The following PCCA variants were observed in gnomAD, a reference collection of about 807,000 sequenced individuals.
The protein encoded by PCCA is propionyl-CoA carboxylase alpha chain, mitochondrial.
A neutral mutation model predicts 101.3 loss-of-function variants in PCCA; 74 were observed. The ratio of observed to expected loss-of-function variants is 0.73; its 90% CI spans 0.61 to 0.89. The LOEUF (loss-of-function observed/expected upper bound fraction) is 0.89, where lower values mean the gene tolerates loss of function less well. PCCA is among the 40% of genes least tolerant of loss of function. The pLI is 0.00. For missense variants in PCCA, 891 were observed against 907.0 expected (o/e 0.98, Z 0.23); for synonymous variants, 294 against 313.6 (o/e 0.94, Z 0.66).
chr13:100,466,169 T>C (rs1013081662), intron 21 of PCCA: 7 of 152,256 alleles, frequency 4.6e-5, no homozygotes, highest in African/African-American at 1.7e-4. Flanking sequence ...CTTCATTTTG[T>C]CTTCAGTTTT....
intron 8 of PCCA, among the ~76,000 whole-genome samples, chr13:100,255,471 C>T (rs922055234): frequency 1.3e-5 from 2 of 152,140 alleles, no homozygotes; most frequent in Non-Finnish European, 2.9e-5. Context: ...ATTTCCTAAT[C>T]GTCAGAGGGA....
intron 9 of PCCA, among the ~76,000 whole-genome samples, chr13:100,258,366 G>A (rs897352872): frequency 6.6e-6 from 1 of 152,178 alleles, no homozygotes. Flanking sequence ...GGGAGATACT[G>A]TTGTGGCCAT....
chr13:100,382,860 A>G (rs74116620), intron 19 of PCCA, among the ~76,000 whole-genome samples: 4,987 of 152,238 alleles, frequency 0.033, 288 homozygotes, highest in African/African-American at 0.11. Context: ...AAAATAATGT[A>G]ATAAATGCAT....
intron 23 of PCCA, among the ~76,000 whole-genome samples, chr13:100,529,731 A>G (rs1031192922): frequency 6.6e-6 from 1 of 152,106 alleles, no homozygotes; most frequent in Non-Finnish European, 1.5e-5. Flanking sequence ...CAACCTCAAA[A>G]CCACAGAGAG....
At chr13:100,451,211 TTCGTCTCA>T (rs987346925) in intron 21 of PCCA, among the ~76,000 whole-genome samples, 16 of 151,536 alleles carry the variant, frequency 1.1e-4, no homozygotes, top group Non-Finnish European at 2.2e-4. Flanking sequence ...GATTTCAGTG[TTCGTCTCA>T]TCTAAAAATA....
intron 6 of PCCA, among the ~76,000 whole-genome samples, chr13:100,182,098 CT>C (rs558498604): frequency 0.19 from 19,481 of 105,096 alleles, 1,222 homozygotes; most frequent in African/African-American, 0.28. Flanking sequence ...TTTTCTTTTT[CT>C]TTTTTTTTTT....
intron 6 of PCCA, among the ~76,000 whole-genome samples, chr13:100,186,703 T>G (rs2057295850): frequency 6.9e-6 from 1 of 144,214 alleles, no homozygotes; most frequent in Non-Finnish European, 1.5e-5. Flanking sequence ...ATCGCATCAC[T>G]GCACTCCAGC....
At chr13:100,369,314 C>T (rs1267120630) in intron 19 of PCCA, among the ~76,000 whole-genome samples, 1 of 152,110 alleles carries the variant, frequency 6.6e-6, no homozygotes, top group Non-Finnish European at 1.5e-5. Flanking sequence ...ATTGAAATGT[C>T]ATTTTGTTTT....
chr13:100,322,640 A>G (rs2068192486), intron 16 of PCCA, among the ~76,000 whole-genome samples: 1 of 151,192 alleles, frequency 6.6e-6, no homozygotes, highest in South Asian at 2.1e-4. Flanking sequence ...ATGCAGCCGT[A>G]GCTCACTACA....
At chr13:100,264,381 A>G (rs1432806337) in intron 10 of PCCA, among the ~76,000 whole-genome samples, 1 of 152,150 alleles carries the variant, frequency 6.6e-6, no homozygotes, top group East Asian at 1.9e-4. Context: ...TAGATAGAGA[A>G]TGTCCCATCA....
At chr13:100,188,329 AC>A (rs2057470283) in intron 6 of PCCA, among the ~76,000 whole-genome samples, 1 of 69,406 alleles carries the variant, frequency 1.4e-5, no homozygotes. Flanking sequence ...CAAAACAAAA[AC>A]ACAAAGAAAG....
At chr13:100,169,653 G>T (rs1171401338) in intron 6 of PCCA, among the ~76,000 whole-genome samples, 8 of 151,500 alleles carry the variant, frequency 5.3e-5, no homozygotes, top group African/African-American at 1.7e-4. Context: ...TCAGGCTCCT[G>T]AGTAGCTGGA....
At chr13:100,142,314 G>T (rs2051970009) in intron 4 of PCCA, among the ~76,000 whole-genome samples, 1 of 152,144 alleles carries the variant, frequency 6.6e-6, no homozygotes, top group Admixed American at 6.5e-5. Flanking sequence ...AAGACAGGTG[G>T]ATTATAGCCC....
rs766002270 is a variant in PCCA, at chr13:100,332,817, A to G, written c.1540+2146A>G. On this transcript the variant is annotated intron_variant, in intron 17 of 23. Transcript: ENST00000376285. The stretch of plus-strand genomic sequence containing the variant: ...CAATTTTGTTTTTTATGCTTAGACC[A>G]ATTTTTAAAATTGGCATACATTGCT... Among the ~76,000 whole-genome samples the G allele has an allele frequency of 4.6e-4, 70 of 152,282 alleles. No homozygotes were observed. The Middle Eastern group carries it at 0.01, about 22-fold the overall frequency.
chr13:100,261,884 C>A (rs1168813332), intron 9 of PCCA, among the ~76,000 whole-genome samples: 1 of 152,074 alleles, frequency 6.6e-6, no homozygotes, highest in African/African-American at 2.4e-5. Context: ...AAGCAGTGTT[C>A]TTAAGAATCT....
intron 7 of PCCA, among the ~76,000 whole-genome samples, chr13:100,214,183 G>T (rs186041042): frequency 1.3e-4 from 20 of 152,102 alleles, no homozygotes; most frequent in African/African-American, 4.6e-4. Context: ...CCTCAGGATA[G>T]CTTTGCCTAT....
chr13:100,378,637 AT>A (rs1362117556), intron 19 of PCCA, among the ~76,000 whole-genome samples: 2 of 151,984 alleles, frequency 1.3e-5, no homozygotes, highest in Non-Finnish European at 2.9e-5. Flanking sequence ...TTACTGAAAA[AT>A]TTTTTTGTGT....
chr13:100,276,963 T>C (rs189720809), intron 12 of PCCA, among the ~76,000 whole-genome samples: 2 of 152,338 alleles, frequency 1.3e-5, no homozygotes, highest in Non-Finnish European at 2.9e-5. Flanking sequence ...TACTGTCATA[T>C]ACAGTTATTT....
intron 21 of PCCA, among the ~76,000 whole-genome samples, chr13:100,461,870 G>T (rs983812133): frequency 6.6e-6 from 1 of 152,196 alleles, no homozygotes; most frequent in Non-Finnish European, 1.5e-5. Flanking sequence ...AAGAGAAACG[G>T]ATAGAAAGTA....
Sources: allele counts gnomAD v4.1 joint callset (sites outside exome capture counted in the v4.1 genomes callset), GRCh38; gene constraint gnomAD v4.1.1; transcripts MANE v1.5; gene names NCBI Gene and HGNC (gene_info 2026-07-23, HGNC 2026-07-21).